Variants in TLCD4 observed in about 807,000 individuals in gnomAD.
The protein encoded by TLCD4 is TLC domain-containing protein 4.
A neutral mutation model predicts 24.2 loss-of-function variants in TLCD4; 7 were observed. The observed-to-expected ratio is 0.29, with a 90% CI of 0.16 to 0.54. The LOEUF is 0.54. Among genes scored for constraint, TLCD4 ranks in the 20% least tolerant of loss-of-function variants. The probability of loss-of-function intolerance (pLI) is 0.95; values close to 1 mark genes in which losing one functional copy is unlikely to be tolerated. For synonymous variants in TLCD4, 103 were observed against 106.4 expected (o/e 0.97, Z 0.20); for missense variants, 259 against 313.9 (o/e 0.82, Z 1.32).
the TLCD4 span, among the ~76,000 whole-genome samples, chr1:95,108,069 TTTC>T: frequency 4.6e-5 from 7 of 152,164 alleles, no homozygotes; most frequent in African/African-American, 1.7e-4. Flanking sequence ...TATTTTTCTT[TTTC>T]TGTGATATCT....
chr1:95,180,760 G>A (rs1678608658), intron 6 of TLCD4, among the ~76,000 whole-genome samples: 1 of 152,080 alleles, frequency 6.6e-6, no homozygotes, highest in South Asian at 2.1e-4. Context: ...CCTTGTAAAA[G>A]CTTTGCACCT....
Position 95,117,632 on chromosome 1 carries a change from A to AG in TLCD4, c.-12+22dup, listed in dbSNP as rs961791573. 5.3e-5 allele frequency: 8 copies of AG among 151,312 alleles called. No homozygotes were observed. Among genetic ancestry groups the AG allele is most frequent in the East Asian group, 2.0e-4 (1 of 5,050 alleles). The allele number at this position is 151,312 out of a possible 1,614,324, so 9.4% of individuals were successfully genotyped here. A position where few individuals can be genotyped will look rare whatever the true frequency, so the allele number is the denominator to read the frequency against. On this transcript the variant is annotated intron_variant, in intron 1 of 6. Coordinates refer to ENST00000370203, the MANE Select transcript of TLCD4 (RefSeq NM_152487.3). ...ACCCGGCACAGGTGACGCCGTTTGG[A>AG]GGGGGGGTTGGGGAGGAAGGCGGGC... is the stretch of plus-strand genomic sequence containing the variant.
intron 6 of TLCD4, among the ~76,000 whole-genome samples, chr1:95,180,779 T>C (rs1445080796): frequency 6.6e-6 from 1 of 152,266 alleles, no homozygotes; most frequent in Non-Finnish European, 1.5e-5. Flanking sequence ...CTGTGTTTCT[T>C]AATATGTTCA....
intron 5 of TLCD4, among the ~76,000 whole-genome samples, chr1:95,155,004 G>A (rs948941914): frequency 9.9e-5 from 15 of 151,672 alleles, no homozygotes; most frequent in African/African-American, 2.4e-4. Flanking sequence ...ACATATAGTC[G>A]TAGTGTAGTG....
intron 5 of TLCD4, among the ~76,000 whole-genome samples, chr1:95,169,510 AGGTTTTATCT>A (rs1427227592): frequency 2.6e-5 from 4 of 152,224 alleles, no homozygotes; most frequent in Non-Finnish European, 5.9e-5. Flanking sequence ...TCATGAAGTC[AGGTTTTATCT>A]GATATTAATT....
At chr1:95,106,200 C>T in the TLCD4 span, among the ~76,000 whole-genome samples, 1 of 152,140 alleles carries the variant, frequency 6.6e-6, no homozygotes, top group Admixed American at 6.5e-5. Flanking sequence ...GAGTTTCTTA[C>T]CTGTAACAAA....
chr1:95,179,855 T>C (rs1678570379), intron 6 of TLCD4, among the ~76,000 whole-genome samples: 1 of 152,234 alleles, frequency 6.6e-6, no homozygotes, highest in South Asian at 2.1e-4. Flanking sequence ...CCTGTCTTAC[T>C]TGTTATTTAG....
the TLCD4 span, among the ~76,000 whole-genome samples, chr1:95,105,463 C>T: frequency 2.9e-3 from 444 of 152,298 alleles, 1 homozygote; most frequent in African/African-American, 0.01. Context: ...CTTGCCTCCT[C>T]CATGGGTGGT....
chr1:95,192,150 G>C lies in TLCD4; in HGVS notation c.*282G>C. Reference sequence around the variant, plus strand: ...ATCTCTACTAAAAATACAAAAAAAAGTAGCTGGGCGTGGTGGTTGGCGCCT... The same window carrying C: ...ATCTCTACTAAAAATACAAAAAAAACTAGCTGGGCGTGGTGGTTGGCGCCT... On this transcript the variant is annotated 3_prime_UTR_variant, in exon 7 of 7. Transcript: ENST00000370203. The C allele has an allele frequency of 2.6e-6, 1 of 381,284 alleles. No individual in the cohort carries two copies. 23.6% of individuals were successfully genotyped at this position (381,284 alleles called of 1,614,324 possible).
chr1:95,151,556 G>A (rs1677490951), intron 5 of TLCD4, 137 bp downstream of exon 5: 1 of 964,802 alleles, frequency 1.0e-6, no homozygotes, highest in Non-Finnish European at 1.5e-6. Context: ...TGCTTTTGTG[G>A]TATGCTATCT....
the TLCD4 span, among the ~76,000 whole-genome samples, chr1:95,097,562 A>T: frequency 6.6e-6 from 1 of 152,252 alleles, no homozygotes; most frequent in Non-Finnish European, 1.5e-5. Context: ...CCAAGATGGG[A>T]GTAACGAAGT....
chr1:95,160,441 G>T (rs1474368074), intron 5 of TLCD4, among the ~76,000 whole-genome samples: 1 of 152,204 alleles, frequency 6.6e-6, no homozygotes, highest in Non-Finnish European at 1.5e-5. Flanking sequence ...ATACAGTCAT[G>T]TTATCTGCAA....
intron 5 of TLCD4, among the ~76,000 whole-genome samples, chr1:95,159,577 G>T (rs912398455): frequency 6.6e-6 from 1 of 152,104 alleles, no homozygotes; most frequent in African/African-American, 2.4e-5. Context: ...TGAAGTCTTT[G>T]CCCATGCCTA....
chr1:95,122,863 T>G (rs1676607829), intron 1 of TLCD4, among the ~76,000 whole-genome samples: 1 of 152,218 alleles, frequency 6.6e-6, no homozygotes, highest in Non-Finnish European at 1.5e-5. Flanking sequence ...ATTAAACTTC[T>G]CTCTATATCT....
At chr1:95,099,963 C>G in the TLCD4 span, among the ~76,000 whole-genome samples, 23 of 151,628 alleles carry the variant, frequency 1.5e-4, no homozygotes, top group Non-Finnish European at 3.2e-4. Context: ...GAAACCCCCC[C>G]TCTACTAAAA....
intron 5 of TLCD4, 74 bp downstream of exon 5, chr1:95,151,493 C>G (rs1677489508): frequency 6.6e-7 from 1 of 1,523,208 alleles, no homozygotes; most frequent in Admixed American, 2.0e-5. Flanking sequence ...GAACATAAAT[C>G]TAAACATACA....
At chr1:95,111,850 T>C in the TLCD4 span, among the ~76,000 whole-genome samples, 1 of 152,194 alleles carries the variant, frequency 6.6e-6, no homozygotes, top group Non-Finnish European at 1.5e-5. Context: ...ATGCAATCCC[T>C]CTATGAGGTT....
chr1:95,173,648 A>G (rs1364398537), intron 5 of TLCD4, among the ~76,000 whole-genome samples, 168 bp from the exon 6 acceptor site: 4 of 152,192 alleles, frequency 2.6e-5, no homozygotes, highest in Non-Finnish European at 5.9e-5. Context: ...GGATCTTTCT[A>G]TATTCTCACG....
chr1:95,172,532 C>T (rs1372497735), intron 5 of TLCD4, among the ~76,000 whole-genome samples: 2 of 152,160 alleles, frequency 1.3e-5, no homozygotes, highest in African/African-American at 4.8e-5. Context: ...CTCTTGCCTG[C>T]TGTTGCTGTG....
Sources: allele counts gnomAD v4.1 joint callset (sites outside exome capture counted in the v4.1 genomes callset), GRCh38; gene constraint gnomAD v4.1.1; transcripts MANE v1.5; gene names NCBI Gene and HGNC (gene_info 2026-07-23, HGNC 2026-07-21).